Variants in PIK3R3 observed in about 807,000 individuals in gnomAD.
PIK3R3 encodes the protein phosphoinositide-3-kinase regulatory subunit 3.
PIK3R3 carries 64 observed loss-of-function variants against 62.9 expected under a neutral mutation model. That is an observed-to-expected ratio of 1.02 (90% CI 0.83 to 1.25). The LOEUF is 1.25. Ranked by LOEUF, PIK3R3 falls within the 50% of genes most tolerant of loss-of-function variation. PIK3R3 has a pLI of 0.00. For missense variants in PIK3R3, 614 were observed against 561.6 expected (o/e 1.09, Z -0.94); for synonymous variants, 165 against 189.0 (o/e 0.87, Z 1.04).
chr1:46,057,842 T>A (rs1011612117), intron 6 of PIK3R3, among the ~76,000 whole-genome samples: 2 of 151,308 alleles, frequency 1.3e-5, no homozygotes, highest in African/African-American at 2.4e-5. Context: ...GACAATGCAA[T>A]AGAAAATAAA....
chr1:46,155,017 T>C, the PIK3R3 span, among the ~76,000 whole-genome samples: 1 of 152,216 alleles, frequency 6.6e-6, no homozygotes, highest in African/African-American at 2.4e-5. Context: ...TGCCTATATC[T>C]TGATCTAGAA....
the PIK3R3 span, among the ~76,000 whole-genome samples, chr1:46,172,947 T>A: frequency 2.0e-5 from 3 of 151,722 alleles, no homozygotes; most frequent in African/African-American, 7.3e-5. Context: ...GAGACAAGAT[T>A]GCGCCACTGC....
chr1:46,057,636 G>A (rs1306415476), intron 6 of PIK3R3, among the ~76,000 whole-genome samples: 3 of 152,180 alleles, frequency 2.0e-5, no homozygotes, highest in South Asian at 2.1e-4. Context: ...CTCTTGTTAC[G>A]TTTTAGCAAA....
the PIK3R3 span, among the ~76,000 whole-genome samples, chr1:46,162,775 C>T: frequency 1.3e-5 from 2 of 152,144 alleles, no homozygotes; most frequent in East Asian, 3.9e-4. Flanking sequence ...GCGTGCACCA[C>T]CACACCCGGC....
chr1:46,174,595 T>A, the PIK3R3 span, among the ~76,000 whole-genome samples: 2 of 152,188 alleles, frequency 1.3e-5, no homozygotes, highest in Non-Finnish European at 2.9e-5. Flanking sequence ...GTGCAACACG[T>A]ATTAGCCCAT....
At chr1:46,060,942 C>T (rs1345168506) in intron 6 of PIK3R3, among the ~76,000 whole-genome samples, 1 of 152,246 alleles carries the variant, frequency 6.6e-6, no homozygotes, top group African/African-American at 2.4e-5. Flanking sequence ...CAATACTCCA[C>T]TAAATTTGCT....
intron 1 of PIK3R3, among the ~76,000 whole-genome samples, chr1:46,128,585 A>G (rs1655293323): frequency 1.3e-5 from 2 of 152,262 alleles, no homozygotes; most frequent in Admixed American, 6.5e-5. Context: ...CCTTAAGTAG[A>G]AAGGCACCTA....
chr1:46,072,745 C>T (rs1045798875), intron 3 of PIK3R3, among the ~76,000 whole-genome samples: 6 of 151,970 alleles, frequency 3.9e-5, no homozygotes, highest in South Asian at 4.1e-4. Context: ...AGACCCTTAG[C>T]GTGAGACCAG....
At position 46,043,121 on chromosome 1, in the gene PIK3R3, T is replaced by A. The variant is rs899009910; in HGVS notation, c.*552A>T. ...AATACCTTCAGTTGAAGGTTTTTTT[T>A]ATCATCTTGGCTTAGATTATTTAAA... is the stretch of plus-strand genomic sequence containing the variant. On this transcript the variant is annotated 3_prime_UTR_variant, in exon 10 of 10. Transcript: ENST00000262741. 1 of 229,488 alleles carries A rather than the reference T, an allele frequency of 4.4e-6. No homozygotes were observed. Among genetic ancestry groups the A allele is most frequent in the African/African-American group, 2.2e-5 (1 of 45,112 alleles). The allele number at this position is 229,488 out of a possible 1,614,324, so 14.2% of individuals were successfully genotyped here.
chr1:46,069,160 G>A lies in PIK3R3; in HGVS notation c.315-2069C>T, dbSNP rs769489414. 5.3e-5 allele frequency among the ~76,000 whole-genome samples: 8 copies of A among 152,260 alleles called. No individual in the cohort carries two copies. In the South Asian group the frequency reaches 8.3e-4, roughly 16 times the overall value. On this transcript the variant is annotated intron_variant, in intron 3 of 9. Transcript: ENST00000262741. The stretch of plus-strand genomic sequence containing the variant: ...GAGACAAGATAAAGATGATTTCAAG[G>A]TTTTTGTCATAAGCAATCAGAAGAA...
At chr1:46,173,382 G>C in the PIK3R3 span, among the ~76,000 whole-genome samples, 7 of 152,212 alleles carry the variant, frequency 4.6e-5, no homozygotes, top group Non-Finnish European at 8.8e-5. Context: ...CCACTGCCTT[G>C]CTCACTGCTG....
At chr1:46,112,983 A>G (rs181226271) in intron 1 of PIK3R3, among the ~76,000 whole-genome samples, 1 of 152,324 alleles carries the variant, frequency 6.6e-6, no homozygotes, top group African/African-American at 2.4e-5. Context: ...ATAGCCTCGA[A>G]GCCCACCAAT....
chr1:46,058,243 A>G (rs1158306530), intron 6 of PIK3R3, among the ~76,000 whole-genome samples: 2 of 152,224 alleles, frequency 1.3e-5, no homozygotes, highest in African/African-American at 4.8e-5. Context: ...GACGTATGGA[A>G]ACACCTGGAT....
the PIK3R3 span, among the ~76,000 whole-genome samples, chr1:46,165,511 G>A: frequency 1.3e-5 from 2 of 151,350 alleles, no homozygotes; most frequent in Non-Finnish European, 2.9e-5. Context: ...ACTCCATGTT[G>A]GTCAGGCTGG....
chr1:46,134,427 C>T (rs1655854349), upstream of PIK3R3: 1 of 152,210 alleles, frequency 6.6e-6, no homozygotes, highest in Admixed American at 6.5e-5. Flanking sequence ...TAAGAAAAGA[C>T]ACCAGGATTC....
the PIK3R3 span, among the ~76,000 whole-genome samples, chr1:46,162,479 AAATT>A: frequency 1.3e-5 from 2 of 152,228 alleles, no homozygotes; most frequent in African/African-American, 2.4e-5. Context: ...TCAAATAAAT[AAATT>A]AATTAATTAA....
chr1:46,096,852 A>G (rs536578041), intron 1 of PIK3R3, among the ~76,000 whole-genome samples: 52 of 151,940 alleles, frequency 3.4e-4, no homozygotes, highest in East Asian at 1.2e-3. Flanking sequence ...AAAAAAAAAA[A>G]AAAGAAAGAA....
At chr1:46,049,917 C>T (rs753537651) in intron 7 of PIK3R3, among the ~76,000 whole-genome samples, 4 of 151,730 alleles carry the variant, frequency 2.6e-5, no homozygotes, top group Non-Finnish European at 5.9e-5. Flanking sequence ...ATCAGGAGTT[C>T]GAGACCAGGC....
the PIK3R3 span, among the ~76,000 whole-genome samples, chr1:46,141,061 T>C: frequency 6.6e-6 from 1 of 151,832 alleles, no homozygotes; most frequent in South Asian, 2.1e-4. Flanking sequence ...GAGGTCTCAC[T>C]GTTTCCCAGG....
Sources: gnomAD v4.1 joint callset for allele counts (sites outside exome capture counted in the v4.1 genomes callset) on GRCh38, gnomAD v4.1.1 for gene constraint, MANE v1.5 for transcripts, NCBI Gene and HGNC (gene_info 2026-07-23, HGNC 2026-07-21) for gene names.